CPS1: variants seen among roughly 807,000 people sequenced by gnomAD.
The protein encoded by CPS1 is carbamoyl-phosphate synthase 1, also known as carbamoyl-phosphate synthase [ammonia], mitochondrial.
CPS1 carries 109 observed loss-of-function variants against 174.6 expected under a neutral mutation model. The observed-to-expected ratio is 0.62, with a 90% CI of 0.53 to 0.73. The LOEUF is 0.73. CPS1 is among the 30% of genes least tolerant of loss of function. The pLI is 0.00. For synonymous variants in CPS1, 637 were observed against 632.0 expected (o/e 1.01, Z -0.12); for missense variants, 1,689 against 1,821.9 (o/e 0.93, Z 1.33).
intron 32 of CPS1, among the ~76,000 whole-genome samples, chr2:210,661,934 C>T (rs1041082229): frequency 3.9e-4 from 44 of 112,254 alleles, no homozygotes; most frequent in African/African-American, 1.5e-3. Flanking sequence ...GAGACGGAGT[C>T]TTGCTCTGTC....
At chr2:210,653,049 G>A (rs1038489396) in intron 28 of CPS1, among the ~76,000 whole-genome samples, 1 of 152,200 alleles carries the variant, frequency 6.6e-6, no homozygotes, top group African/African-American at 2.4e-5. Context: ...AGGAGTTTGT[G>A]TTCAGAGGCA....
intron 34 of CPS1, 112 bp downstream of exon 34, chr2:210,668,396 G>A (rs948529392): frequency 2.6e-5 from 21 of 811,122 alleles, no homozygotes; most frequent in Non-Finnish European, 3.3e-5. Context: ...TTACGTTTCC[G>A]TTTATGGCAA....
chr2:210,583,336 A>G (rs893256127), intron 6 of CPS1, among the ~76,000 whole-genome samples: 2 of 152,238 alleles, frequency 1.3e-5, no homozygotes, highest in South Asian at 2.1e-4. Flanking sequence ...TTCTTGAGCT[A>G]CAGTCTCTGT....
At chr2:210,651,259 G>A (rs927575644) in intron 28 of CPS1, among the ~76,000 whole-genome samples, 2 of 152,114 alleles carry the variant, frequency 1.3e-5, no homozygotes, top group Admixed American at 6.5e-5. Flanking sequence ...AATAAAGTGC[G>A]TGGACTGTTT....
At chr2:210,478,948 TCCC>T (rs1360288487) in intron 1 of CPS1, among the ~76,000 whole-genome samples, 1 of 80,210 alleles carries the variant, frequency 1.2e-5, no homozygotes, top group Non-Finnish European at 2.3e-5. Context: ...CTTCCCTCCC[TCCC>T]TCCCTGCTTT....
chr2:210,558,822 G>A (rs1574522812), intron 1 of CPS1, among the ~76,000 whole-genome samples: 1 of 152,012 alleles, frequency 6.6e-6, no homozygotes, highest in Non-Finnish European at 1.5e-5. Context: ...CTAGCTCATG[G>A]TGACAGATCT....
At chr2:210,599,272 T>C in intron 13 of CPS1, 100 bp from the exon 14 acceptor site, 1 of 1,070,978 alleles carries the variant, frequency 9.3e-7, no homozygotes, top group South Asian at 1.3e-5. Context: ...GGCCCACAGA[T>C]AACCTAAAAG....
At chr2:210,629,407 C>T (rs201242701) in intron 21 of CPS1, among the ~76,000 whole-genome samples, 2 of 152,034 alleles carry the variant, frequency 1.3e-5, no homozygotes, top group Non-Finnish European at 2.9e-5. Context: ...GTCCGCCTCC[C>T]GGGTTCACGC....
chr2:210,612,564 C>T (rs1229196712), intron 20 of CPS1, among the ~76,000 whole-genome samples: 1 of 151,788 alleles, frequency 6.6e-6, no homozygotes, highest in Non-Finnish European at 1.5e-5. Context: ...AAAATGTCCC[C>T]CTTTTTAAGT....
At chr2:210,493,466 C>G (rs1476070300) in intron 1 of CPS1, among the ~76,000 whole-genome samples, 2 of 152,168 alleles carry the variant, frequency 1.3e-5, no homozygotes, top group African/African-American at 4.8e-5. Context: ...GTGAGATGAA[C>G]AATTCAATCA....
At position 210,650,424 on chromosome 2, in the gene CPS1, A is replaced by G. The variant is rs201246466; in HGVS notation, c.3466A>G (p.Thr1156Ala). ...GATGAAAAAATTCCTAGAAGAGGCGACTAGAGTTTCTCAGGTAGTGTCCAA... is the reference window on the plus strand; with the variant it reads ...GATGAAAAAATTCCTAGAAGAGGCGGCTAGAGTTTCTCAGGTAGTGTCCAA... ...DEMKKFLEEA[T>A]RVSQEHPVVL... Residue 1156 changes from threonine (T) to alanine (A), a missense_variant, in exon 28 of 38, where the codon ACT (threonine) becomes GCT (alanine). Thr to Ala is a moderately conservative substitution (Grantham distance 58, BLOSUM62 0). Transcript: ENST00000233072. 6 of 1,612,482 alleles carry G rather than the reference A, an allele frequency of 3.7e-6. No homozygotes were observed. The South Asian group carries it at 6.6e-5, about 18-fold the overall frequency.
intron 15 of CPS1, 96 bp from the exon 16 acceptor site, chr2:210,602,106 T>G (rs1574577289): frequency 7.0e-7 from 1 of 1,425,552 alleles, no homozygotes; most frequent in East Asian, 2.4e-5. Flanking sequence ...TCTCCCCACA[T>G]AAGTTGGTTT....
intron 34 of CPS1, chr2:210,672,106 C>T (rs2105938142): frequency 6.6e-6 from 1 of 152,156 alleles, no homozygotes; most frequent in East Asian, 1.9e-4. Context: ...TTCAATAGAT[C>T]TGGGGTGGGG....
intron 11 of CPS1, chr2:210,593,338 A>G: frequency 8.8e-7 from 1 of 1,131,736 alleles, no homozygotes; most frequent in Non-Finnish European, 1.1e-6. Flanking sequence ...AAAAATCCCT[A>G]TGGCAACTGG....
intron 20 of CPS1, 152 bp from the exon 21 acceptor site, chr2:210,616,271 T>C: frequency 1.5e-6 from 1 of 678,156 alleles, no homozygotes; most frequent in Non-Finnish European, 2.7e-6. Flanking sequence ...TTGGAAGGAA[T>C]GTCAGTGATG....
In CPS1 at chr2:210,594,490, G is replaced by T; in HGVS notation, c.1165-18G>T. On this transcript the variant is annotated intron_variant, in intron 11 of 37. Transcript: ENST00000233072. ...GGAATTTTGAAGCTTCTAACTAGTT[G>T]GTTGTATTTTTTTCTAGTACCTGTT... The T allele has an allele frequency of 1.3e-6, 2 of 1,551,256 alleles. No individual in the cohort carries two copies. The highest frequency in any genetic ancestry group is 1.8e-6 in the Non-Finnish European group (2 of 1,124,680).
chr2:210,630,004 C>T (rs1261462397), intron 21 of CPS1, among the ~76,000 whole-genome samples: 4 of 150,550 alleles, frequency 2.7e-5, no homozygotes, highest in South Asian at 4.2e-4. Flanking sequence ...ACCTGGGAGG[C>T]GGAGTTTGCA....
chr2:210,524,200 G>T (rs1307876854), intron 1 of CPS1, among the ~76,000 whole-genome samples: 3 of 151,792 alleles, frequency 2.0e-5, no homozygotes, highest in South Asian at 2.1e-4. Context: ...ACCATTCAGG[G>T]TTCTCAGTTT....
chr2:210,604,125 C>G (rs1277188434), intron 16 of CPS1, among the ~76,000 whole-genome samples: 1 of 151,800 alleles, frequency 6.6e-6, no homozygotes, highest in East Asian at 1.9e-4. Context: ...AATTTTCTAA[C>G]CACTTTGAGA....
Sources: allele counts gnomAD v4.1 joint callset (sites outside exome capture counted in the v4.1 genomes callset), GRCh38; gene constraint gnomAD v4.1.1; transcripts MANE v1.5; gene names NCBI Gene and HGNC (gene_info 2026-07-23, HGNC 2026-07-21).